PIBF1: variants seen among roughly 807,000 people sequenced by gnomAD.
PIBF1 encodes progesterone immunomodulatory binding factor 1, also known as progesterone-induced-blocking factor 1.
A neutral mutation model predicts 112.5 loss-of-function variants in PIBF1; 90 were observed. That is an observed-to-expected ratio of 0.80 (90% CI 0.67 to 0.95). The LOEUF is 0.95. Among genes scored for constraint, PIBF1 ranks in the 40% least tolerant of loss-of-function variants. The pLI is 0.00. For synonymous variants in PIBF1, 301 were observed against 288.6 expected, an observed-to-expected ratio of 1.04 and a Z score of -0.44; for missense variants, 915 against 852.3, an observed-to-expected ratio of 1.07 and a Z score of -0.92.
intron 10 of PIBF1, 37 bp downstream of exon 10, chr13:72,854,192 CATT>C: frequency 7.9e-7 from 1 of 1,272,842 alleles, no homozygotes; most frequent in Non-Finnish European, 1.1e-6. Context: ...AAAACTCTTC[CATT>C]ATTGTTTCTG....
intron 10 of PIBF1, among the ~76,000 whole-genome samples, chr13:72,876,554 C>G (rs913113720): frequency 1.3e-5 from 2 of 152,134 alleles, no homozygotes; most frequent in African/African-American, 4.8e-5. Context: ...ATTGCGTCTT[C>G]TTACCCATAT....
At chr13:72,784,298 T>C (rs1347053644) in intron 2 of PIBF1, among the ~76,000 whole-genome samples, 1 of 135,914 alleles carries the variant, frequency 7.4e-6, no homozygotes, top group African/African-American at 2.6e-5. Flanking sequence ...AAAAAAAAAT[T>C]AGCCAGCCAT....
Position 72,792,558 on chromosome 13 carries a change from T to G in PIBF1, c.353+11T>G. ...ACAGAAAGATGCCAGGTAAGAAAAG[T>G]TTTTTTTAAAAAAAAAACAACATCT... On this transcript the variant is annotated intron_variant, in intron 3 of 17. Transcript: ENST00000326291. The G allele has an allele frequency of 7.6e-7, 1 of 1,318,598 alleles. No individual in the cohort carries two copies. Among genetic ancestry groups the G allele is most frequent in the Non-Finnish European group, 1.0e-6 (1 of 952,952 alleles). The allele number at this position is 1,318,598 out of a possible 1,614,324, so 81.7% of individuals were successfully genotyped here. A position where few individuals can be genotyped will look rare whatever the true frequency, so the allele number is the denominator to read the frequency against.
At chr13:72,788,326 A>G (rs1218888970) in intron 2 of PIBF1, among the ~76,000 whole-genome samples, 1 of 152,242 alleles carries the variant, frequency 6.6e-6, no homozygotes, top group Non-Finnish European at 1.5e-5. Flanking sequence ...TTCAGCAGTT[A>G]ATACCAGAGA....
chr13:72,882,526 C>T (rs912958654), intron 10 of PIBF1, among the ~76,000 whole-genome samples: 7 of 152,026 alleles, frequency 4.6e-5, no homozygotes, highest in East Asian at 1.9e-4. Context: ...AAAAGATTTG[C>T]GAACAATCCA....
chr13:72,924,716 GAA>G (rs150010462), intron 13 of PIBF1, among the ~76,000 whole-genome samples: 1 of 141,942 alleles, frequency 7.0e-6, no homozygotes. Context: ...GACCCTGCCA[GAA>G]AAAAAAAAAA....
chr13:72,868,940 G>T (rs1313173597), intron 10 of PIBF1, among the ~76,000 whole-genome samples: 1 of 151,850 alleles, frequency 6.6e-6, no homozygotes, highest in Non-Finnish European at 1.5e-5. Flanking sequence ...CAGTTAGAAT[G>T]GCAATCATTA....
At chr13:72,888,002 T>A (rs2138536577) in intron 10 of PIBF1, among the ~76,000 whole-genome samples, 1 of 152,304 alleles carries the variant, frequency 6.6e-6, no homozygotes, top group East Asian at 1.9e-4. Context: ...AATTCAGTTA[T>A]TTTACAGCAC....
chr13:72,860,969 A>G, intron 10 of PIBF1, among the ~76,000 whole-genome samples: 1 of 152,278 alleles, frequency 6.6e-6, no homozygotes, highest in Admixed American at 6.5e-5. Flanking sequence ...TCTTTCTTCC[A>G]AAAAGTAGAA....
chr13:72,801,151 C>T (rs1225222176), intron 5 of PIBF1, among the ~76,000 whole-genome samples: 2 of 152,144 alleles, frequency 1.3e-5, no homozygotes, highest in Non-Finnish European at 2.9e-5. Context: ...TTGAGGTCAT[C>T]ATACAGACTT....
chr13:72,928,171 A>G (rs1044478215), intron 13 of PIBF1, among the ~76,000 whole-genome samples: 3 of 151,206 alleles, frequency 2.0e-5, no homozygotes, highest in Non-Finnish European at 4.4e-5. Flanking sequence ...TATTATCATT[A>G]TGCATCATAA....
chr13:73,003,199 G>A (rs991363844), intron 17 of PIBF1, among the ~76,000 whole-genome samples: 14 of 151,720 alleles, frequency 9.2e-5, no homozygotes, highest in African/African-American at 1.7e-4. Flanking sequence ...TTATATGAAC[G>A]ACATGATTCC....
intron 11 of PIBF1, among the ~76,000 whole-genome samples, chr13:72,904,560 C>A (rs2040623882): frequency 6.8e-6 from 1 of 146,624 alleles, no homozygotes; most frequent in Admixed American, 7.1e-5. Context: ...TGTGCCTCAG[C>A]CTTTGAAGTA....
At chr13:73,000,460 A>T (rs2043822308) in intron 17 of PIBF1, among the ~76,000 whole-genome samples, 1 of 152,190 alleles carries the variant, frequency 6.6e-6, no homozygotes, top group Non-Finnish European at 1.5e-5. Flanking sequence ...GGTGAGCAGG[A>T]GTCACACAGT....
intron 12 of PIBF1, among the ~76,000 whole-genome samples, chr13:72,910,581 A>G (rs1566437147): frequency 2.0e-5 from 3 of 152,208 alleles, no homozygotes; most frequent in Admixed American, 6.5e-5. Context: ...GGGGAGAGTA[A>G]AACAGGGTTT....
intron 17 of PIBF1, among the ~76,000 whole-genome samples, chr13:73,010,291 G>T (rs1002604434): frequency 1.1e-4 from 16 of 148,894 alleles, no homozygotes; most frequent in Admixed American, 3.4e-4. Flanking sequence ...TTACCCGTGG[G>T]TTGGGACCTG....
At chr13:72,825,307 G>A (rs2036752295) in intron 6 of PIBF1, among the ~76,000 whole-genome samples, 1 of 152,164 alleles carries the variant, frequency 6.6e-6, no homozygotes, top group African/African-American at 2.4e-5. Flanking sequence ...GATTATATAA[G>A]AGACTATCTT....
chr13:72,917,154 G>C lies in PIBF1; in HGVS notation c.1718G>C (p.Arg573Pro), dbSNP rs1391466475. Residue 573 changes from arginine (R) to proline (P), a missense_variant, in exon 13 of 18, where the codon CGA becomes CCA. Arg to Pro is a moderately radical substitution (Grantham distance 103, BLOSUM62 -2). Coordinates refer to ENST00000326291, the MANE Select transcript of PIBF1 (RefSeq NM_006346.4). The part of the protein sequence containing the change: ...GANVPTTAKR[R>P]LKQSVHLARR... ...AATGTTCCCACAACAGCCAAAAGACGACTAAAGCAAAGGTAAAATCAATAT... is the reference window on the plus strand; with the variant it reads ...AATGTTCCCACAACAGCCAAAAGACCACTAAAGCAAAGGTAAAATCAATAT... 2 of 1,578,088 alleles carry C rather than the reference G, an allele frequency of 1.3e-6. No homozygotes were observed. The highest frequency in any genetic ancestry group is 1.7e-6 in the Non-Finnish European group (2 of 1,160,692).
intron 10 of PIBF1, among the ~76,000 whole-genome samples, chr13:72,874,349 A>T (rs2039301259): frequency 6.6e-6 from 1 of 152,218 alleles, no homozygotes. Context: ...TGAAACAACT[A>T]GTGCATCAAA....
Sources: allele counts gnomAD v4.1 joint callset (sites outside exome capture counted in the v4.1 genomes callset), GRCh38; gene constraint gnomAD v4.1.1; transcripts MANE v1.5; gene names NCBI Gene and HGNC (gene_info 2026-07-23, HGNC 2026-07-21).